TULP4: variants seen among roughly 807,000 people sequenced by gnomAD.
The protein encoded by TULP4 is TUB like protein 4.
In TULP4, 16 loss-of-function variants were observed where a neutral mutation model predicts 129.0. That is an observed-to-expected ratio of 0.12 (90% CI 0.08 to 0.19). TULP4 has a LOEUF of 0.19. Among genes scored for constraint, TULP4 ranks in the 10% least tolerant of loss-of-function variants. The probability of loss-of-function intolerance (pLI) is 1.00; values close to 1 mark genes in which losing one functional copy is unlikely to be tolerated. For synonymous variants in TULP4, 998 were observed against 854.0 expected (o/e 1.17, Z -2.94); for missense variants, 1,842 against 2,059.1 (o/e 0.89, Z 2.04).
At chr6:158,240,772 C>A (rs1323591818) in intron 1 of TULP4, among the ~76,000 whole-genome samples, 1 of 141,644 alleles carries the variant, frequency 7.1e-6, no homozygotes, top group Non-Finnish European at 1.6e-5. Flanking sequence ...CCCTCCCGGT[C>A]GGCACGGCTG....
chr6:158,373,623 A>C (rs369167944), intron 1 of TULP4, among the ~76,000 whole-genome samples: 8 of 152,178 alleles, frequency 5.3e-5, no homozygotes, highest in Non-Finnish European at 7.3e-5. Context: ...AGACATTTGG[A>C]TTAAACAGGT....
At chr6:158,252,590 G>A (rs911563194) in intron 1 of TULP4, among the ~76,000 whole-genome samples, 2 of 152,028 alleles carry the variant, frequency 1.3e-5, no homozygotes, top group African/African-American at 4.8e-5. Flanking sequence ...TGGCCAGGAT[G>A]GTCTCGATCT....
At chr6:158,339,909 C>G (rs137966813) in intron 1 of TULP4, among the ~76,000 whole-genome samples, 53 of 152,312 alleles carry the variant, frequency 3.5e-4, no homozygotes, top group African/African-American at 1.2e-3. Context: ...CATAGGAAAT[C>G]ACAAGAATAT....
rs1429797694 is a variant in TULP4 at position 158,502,797 on chromosome 6, C to T, written c.3134C>T (p.Pro1045Leu). 5.6e-6 allele frequency: 9 copies of T among 1,610,674 alleles called. No homozygotes were observed. Among genetic ancestry groups the T allele is most frequent in the South Asian group, 1.1e-5 (1 of 90,996 alleles). Residue 1045 changes from proline (P) to leucine (L), a missense_variant, in exon 13 of 14, where the codon CCC becomes CTC. Around this residue, in one of 5 missense-constraint regions of TULP4, gnomAD observed 1,089 missense variants for 987.1 expected, o/e 1.10. Coordinates refer to ENST00000367097, the MANE Select transcript of TULP4 (RefSeq NM_020245.5). ...YTCSQCSGTG[P>L]SSQPGASLAH... is the part of the protein sequence containing the mutation. The stretch of plus-strand genomic sequence containing the variant: ...TGCAGTCAGTGCAGTGGCACAGGGC[C>T]CAGCTCACAGCCCGGAGCCTCCCTG...
intron 8 of TULP4, among the ~76,000 whole-genome samples, chr6:158,483,923 G>GT (rs111713315): frequency 0.16 from 23,434 of 144,292 alleles, 1,852 homozygotes; most frequent in Middle Eastern, 0.2. Context: ...AGTCCCAGTA[G>GT]TTTTTTTTTT....
intron 1 of TULP4, among the ~76,000 whole-genome samples, chr6:158,328,640 G>A (rs1779803040): frequency 6.6e-6 from 1 of 152,174 alleles, no homozygotes; most frequent in African/African-American, 2.4e-5. Context: ...CAGGAGGCAG[G>A]TGAGAGGTTA....
At chr6:158,236,806 T>C (rs1386833258) in intron 1 of TULP4, among the ~76,000 whole-genome samples, 8 of 57,188 alleles carry the variant, frequency 1.4e-4, no homozygotes, top group African/African-American at 2.8e-4. Flanking sequence ...TTTTTTTTTT[T>C]TTTTTTTTTT....
intron 1 of TULP4, among the ~76,000 whole-genome samples, chr6:158,260,622 G>C: frequency 6.6e-6 from 1 of 151,440 alleles, no homozygotes; most frequent in East Asian, 1.9e-4. Context: ...TTCTGCATAA[G>C]GATGACAGTT....
At chr6:158,434,473 A>C (rs1444219601) in intron 3 of TULP4, among the ~76,000 whole-genome samples, 1 of 152,220 alleles carries the variant, frequency 6.6e-6, no homozygotes, top group Non-Finnish European at 1.5e-5. Context: ...ACGCAGAGTA[A>C]TGCTGCAACA....
rs183266446 is a variant in TULP4 at position 158,378,685 on chromosome 6, A to G, written c.253-34380A>G. ...TTTTTAGTAGAGACAGGGTTTCACC[A>G]TCTTGGCCAGGCTGGTCTTGATCTC... On this transcript the variant is annotated intron_variant, in intron 1 of 13. Coordinates refer to ENST00000367097, the MANE Select transcript of TULP4 (RefSeq NM_020245.5). Among the ~76,000 whole-genome samples the G allele has an allele frequency of 2.7e-3, 405 of 152,126 alleles. 4 individuals carry two copies. The highest frequency in any genetic ancestry group is 9.1e-3 in the African/African-American group (378 of 41,506).
At position 158,236,178 on chromosome 6, in the gene TULP4, C is replaced by A. The variant is rs189870802; in HGVS notation, n.68+3875C>A. 3.5e-3 allele frequency among the ~76,000 whole-genome samples: 529 copies of A among 152,266 alleles called. 2 individuals are homozygous for A. The highest frequency in any genetic ancestry group is 7.2e-3 in the Admixed American group (110 of 15,304). ...AATGTAGGTAAATGTTAATAGAATT[C>A]CAGTATGGGAAAAGTCTTTCTAAGC... On this transcript the variant is annotated intron_variant and non_coding_transcript_variant, in intron 1 of 1. Coordinates refer to the TULP4 transcript ENST00000620026.
chr6:158,462,476 C>T (rs1779451311), intron 6 of TULP4, among the ~76,000 whole-genome samples: 1 of 151,022 alleles, frequency 6.6e-6, no homozygotes, highest in African/African-American at 2.4e-5. Context: ...CGGGTTCACA[C>T]CGTTCTCCTG....
chr6:158,274,433 C>A (rs1292286292), intron 1 of TULP4, among the ~76,000 whole-genome samples: 1 of 152,166 alleles, frequency 6.6e-6, no homozygotes, highest in Non-Finnish European at 1.5e-5. Flanking sequence ...CTGTCCTCTT[C>A]CACACAACAA....
At chr6:158,356,904 T>C (rs1488859967) in intron 1 of TULP4, among the ~76,000 whole-genome samples, 1 of 151,298 alleles carries the variant, frequency 6.6e-6, no homozygotes, top group Admixed American at 6.6e-5. Flanking sequence ...AGTTAGGAGT[T>C]AGGTCAGAAA....
At chr6:158,383,603 G>T (rs1446843926) in intron 1 of TULP4, among the ~76,000 whole-genome samples, 1 of 152,208 alleles carries the variant, frequency 6.6e-6, no homozygotes, top group Non-Finnish European at 1.5e-5. Flanking sequence ...CCCACCCCAG[G>T]TGAGTCCACA....
intron 1 of TULP4, among the ~76,000 whole-genome samples, chr6:158,314,696 C>T (rs1779448443): frequency 6.6e-6 from 1 of 152,228 alleles, no homozygotes; most frequent in Non-Finnish European, 1.5e-5. Flanking sequence ...GAAAGTGGTG[C>T]TGCCTTTACC....
At chr6:158,435,068 C>T (rs955611015) in intron 3 of TULP4, among the ~76,000 whole-genome samples, 14 of 152,230 alleles carry the variant, frequency 9.2e-5, no homozygotes, top group Non-Finnish European at 1.8e-4. Context: ...TGTGTCATCT[C>T]TGATACCCCA....
chr6:158,271,020 G>A (rs899827337), intron 1 of TULP4, among the ~76,000 whole-genome samples: 7 of 151,988 alleles, frequency 4.6e-5, no homozygotes, highest in Non-Finnish European at 7.4e-5. Flanking sequence ...CATGGTGGCA[G>A]GTGCCTATAA....
Position 158,479,901 on chromosome 6 carries a change from A to G in TULP4, c.1177A>G (p.Lys393Glu). 1.2e-6 allele frequency: 2 copies of G among 1,612,996 alleles called. No homozygotes were observed. The highest frequency in any genetic ancestry group is 1.7e-6 in the Non-Finnish European group (2 of 1,180,016). The stretch of plus-strand genomic sequence containing the variant: ...CATCGCCAGCACCTTGCGTGAGGAC[A>G]AGGACGTCAGCAAGCTGACTCTGCC... ...QAIASTLRED[K>E]DVSKLTLPPR... The change falls in exon 7 of 14, where the codon AAG (lysine) becomes GAG (glutamate). Residue 393 changes from lysine to glutamate, a missense_variant. By Grantham distance (56) the Lys-to-Glu change is moderately conservative. Around this residue, in one of 5 missense-constraint regions of TULP4, gnomAD observed 456 missense variants for 534.3 expected, o/e 0.85. Transcript: ENST00000367097.
Sources: allele counts gnomAD v4.1 joint callset (sites outside exome capture counted in the v4.1 genomes callset), GRCh38; gene constraint gnomAD v4.1.1; regional missense constraint gnomAD v4.1.1; transcripts MANE v1.5; gene names NCBI Gene and HGNC (gene_info 2026-07-23, HGNC 2026-07-21).